Variants in HIVEP2 observed in about 807,000 individuals in gnomAD.
HIVEP2 encodes HIVEP zinc finger 2.
Under a neutral mutation model 180.7 loss-of-function variants are expected in HIVEP2, and 14 were observed. The ratio of observed to expected loss-of-function variants is 0.08; its 90% confidence interval spans 0.05 to 0.12. The LOEUF (loss-of-function observed/expected upper bound fraction) is 0.12, where lower values mean the gene tolerates loss of function less well. Among genes scored for constraint, HIVEP2 ranks in the 10% least tolerant of loss-of-function variants. The pLI is 1.00. For missense variants in HIVEP2, 2,579 were observed against 3,008.5 expected (o/e 0.86, Z 3.34); for synonymous variants, 1,184 against 1,136.4 (o/e 1.04, Z -0.84).
At chr6:142,784,653 T>C (rs146445020) in intron 2 of HIVEP2, among the ~76,000 whole-genome samples, 48 of 152,360 alleles carry the variant, frequency 3.2e-4, no homozygotes, top group African/African-American at 1.0e-3. Context: ...ATTCTGGTGC[T>C]GCAAAGGGCA....
chr6:142,814,701 T>A (rs750766251), intron 2 of HIVEP2, among the ~76,000 whole-genome samples: 3 of 152,068 alleles, frequency 2.0e-5, no homozygotes, highest in Non-Finnish European at 2.9e-5. Context: ...AAAGTATGAT[T>A]GTAAACATGT....
intron 1 of HIVEP2, among the ~76,000 whole-genome samples, chr6:142,884,121 A>G (rs1045502753): frequency 1.3e-5 from 2 of 152,234 alleles, no homozygotes; most frequent in Non-Finnish European, 2.9e-5. Flanking sequence ...TGTAAAACAG[A>G]TAAAAGTTTT....
intron 2 of HIVEP2, among the ~76,000 whole-genome samples, chr6:142,834,256 G>A (rs198667): frequency 0.15 from 22,993 of 152,080 alleles, 3,175 homozygotes; most frequent in African/African-American, 0.38. Context: ...ATGAAGAAAA[G>A]GTTTGGGGAA....
chr6:142,816,888 G>T (rs1776853315), intron 2 of HIVEP2, among the ~76,000 whole-genome samples: 1 of 152,110 alleles, frequency 6.6e-6, no homozygotes, highest in Non-Finnish European at 1.5e-5. Flanking sequence ...GTGTGTGTGT[G>T]TGTGTGTGTG....
chr6:142,756,266 T>C (rs573781791), intron 9 of HIVEP2, among the ~76,000 whole-genome samples: 1 of 152,142 alleles, frequency 6.6e-6, no homozygotes, highest in Non-Finnish European at 1.5e-5. Flanking sequence ...AGAGCCTCCT[T>C]GGGGGCAGCA....
At chr6:142,813,153 C>T (rs547928675) in intron 2 of HIVEP2, among the ~76,000 whole-genome samples, 1 of 152,190 alleles carries the variant, frequency 6.6e-6, no homozygotes, top group African/African-American at 2.4e-5. Flanking sequence ...GATATATACA[C>T]TGTTTATAAG....
chr6:142,927,251 G>C (rs1209014301), intron 1 of HIVEP2, among the ~76,000 whole-genome samples: 1 of 152,134 alleles, frequency 6.6e-6, no homozygotes, highest in Non-Finnish European at 1.5e-5. Flanking sequence ...GTTTCCAGGT[G>C]TTTGGAGGAC....
chr6:142,936,068 C>T (rs541779205), intron 1 of HIVEP2, among the ~76,000 whole-genome samples: 5 of 151,812 alleles, frequency 3.3e-5, no homozygotes, highest in South Asian at 2.1e-4. Flanking sequence ...ACCGTGATCG[C>T]GCCACTGCAC....
intron 2 of HIVEP2, among the ~76,000 whole-genome samples, chr6:142,804,779 C>A (rs1247162409): frequency 6.6e-6 from 1 of 151,982 alleles, no homozygotes; most frequent in Admixed American, 6.6e-5. Flanking sequence ...AGCTGACATC[C>A]TTTTAACAAA....
At chr6:142,787,236 A>T (rs922610114) in intron 2 of HIVEP2, among the ~76,000 whole-genome samples, 2 of 143,136 alleles carry the variant, frequency 1.4e-5, no homozygotes, top group Admixed American at 1.4e-4. Flanking sequence ...ATAGAGTGAG[A>T]CCCCGTCTCA....
chr6:142,846,746 T>A (rs766628134), intron 1 of HIVEP2, among the ~76,000 whole-genome samples: 2 of 152,120 alleles, frequency 1.3e-5, no homozygotes, highest in Non-Finnish European at 2.9e-5. Context: ...AGTTCAGTAA[T>A]CATCTTATGT....
At chr6:142,798,442 G>A (rs1344517507) in intron 2 of HIVEP2, among the ~76,000 whole-genome samples, 1 of 152,072 alleles carries the variant, frequency 6.6e-6, no homozygotes, top group East Asian at 1.9e-4. Flanking sequence ...GTTCCTTGCT[G>A]TCAATAGTGT....
chr6:142,764,204 A>G (rs1562500154), intron 7 of HIVEP2, among the ~76,000 whole-genome samples: 1 of 152,218 alleles, frequency 6.6e-6, no homozygotes, highest in East Asian at 1.9e-4. Flanking sequence ...TCTACCTGTT[A>G]AAAACAGATT....
intron 2 of HIVEP2, chr6:142,788,473 G>A (rs186508930): frequency 1.3e-5 from 2 of 152,406 alleles, no homozygotes; most frequent in Admixed American, 1.3e-4. Context: ...AGCACTTTGG[G>A]AGGCCCAGGC....
intron 1 of HIVEP2, among the ~76,000 whole-genome samples, chr6:142,854,823 C>T (rs12190352): frequency 0.2 from 29,898 of 152,086 alleles, 3,820 homozygotes; most frequent in Non-Finnish European, 0.29. Context: ...CTGAAATGCT[C>T]GCAGCCACCC....
chr6:142,866,203 A>C (rs1582925330), intron 1 of HIVEP2, among the ~76,000 whole-genome samples: 1 of 152,156 alleles, frequency 6.6e-6, no homozygotes, highest in African/African-American at 2.4e-5. Context: ...ACCTTGGGCA[A>C]GTTATTTAGT....
chr6:142,849,801 G>T (rs1282502601), intron 1 of HIVEP2, among the ~76,000 whole-genome samples: 2 of 152,124 alleles, frequency 1.3e-5, no homozygotes, highest in South Asian at 4.1e-4. Flanking sequence ...CTACAGGTAT[G>T]AGCCACCACG....
At chr6:142,923,178 C>CT (rs1251041673) in intron 1 of HIVEP2, among the ~76,000 whole-genome samples, 1 of 151,946 alleles carries the variant, frequency 6.6e-6, no homozygotes, top group African/African-American at 2.4e-5. Flanking sequence ...ACTAAAAATA[C>CT]AAAAATTAGC....
chr6:142,945,368 AG>A (rs1320192397), upstream of HIVEP2, among the ~76,000 whole-genome samples: 1 of 152,068 alleles, frequency 6.6e-6, no homozygotes, highest in Non-Finnish European at 1.5e-5. The surrounding 1 kb of genome is among the most constrained non-coding windows in gnomAD (Gnocchi z 5.5). Flanking sequence ...GCCACCGGGA[AG>A]GGGCTGGGGG....
Sources: gnomAD v4.1 joint callset for allele counts (sites outside exome capture counted in the v4.1 genomes callset) on GRCh38, gnomAD v4.1.1 for gene constraint, Gnocchi (gnomAD v3.1) non-coding constraint, MANE v1.5 for transcripts, NCBI Gene and HGNC (gene_info 2026-07-23, HGNC 2026-07-21) for gene names.